CDK5RAP1: variants seen among roughly 807,000 people sequenced by gnomAD.
CDK5RAP1 encodes mitochondrial tRNA methylthiotransferase CDK5RAP1.
In CDK5RAP1, 62 loss-of-function variants were observed where a neutral mutation model predicts 64.5. The observed-to-expected ratio is 0.96, with a 90% CI of 0.78 to 1.19. The LOEUF (loss-of-function observed/expected upper bound fraction) is 1.19. Among genes scored for constraint, CDK5RAP1 ranks in the 50% most tolerant of loss-of-function variants. CDK5RAP1 has a pLI of 0.00. For missense variants in CDK5RAP1, 657 were observed against 735.0 expected (o/e 0.89, Z 1.23); for synonymous variants, 250 against 261.9 (o/e 0.95, Z 0.44).
At chr20:33,399,359 A>T (rs1989183109) in intron 1 of CDK5RAP1, among the ~76,000 whole-genome samples, 1 of 152,054 alleles carries the variant, frequency 6.6e-6, no homozygotes, top group Admixed American at 6.6e-5. Context: ...TGGTACTTTC[A>T]GCTTTCTTCC....
At chr20:33,397,400 G>A (rs545138254) in intron 1 of CDK5RAP1, among the ~76,000 whole-genome samples, 12 of 152,284 alleles carry the variant, frequency 7.9e-5, no homozygotes, top group African/African-American at 2.9e-4. Flanking sequence ...GGCTTTAAGT[G>A]TATTAACTCA....
At chr20:33,389,356 C>T (rs575310685) in intron 5 of CDK5RAP1, among the ~76,000 whole-genome samples, 1 of 151,972 alleles carries the variant, frequency 6.6e-6, no homozygotes, top group South Asian at 2.1e-4. Context: ...GGCAGCCGCC[C>T]CGTCTGAGAA....
intron 2 of CDK5RAP1, 27 bp from the exon 3 acceptor site, chr20:33,395,143 A>G (rs1227120876): frequency 7.4e-7 from 1 of 1,353,236 alleles, no homozygotes; most frequent in Non-Finnish European, 1.1e-6. Context: ...GGGGGAATCC[A>G]TGGTAGACAG....
chr20:33,369,475 T>G (rs548994255), intron 11 of CDK5RAP1, among the ~76,000 whole-genome samples: 2 of 141,328 alleles, frequency 1.4e-5, no homozygotes, highest in South Asian at 2.3e-4. Context: ...AGAGCGAGAC[T>G]GAGACTCCGC....
intron 7 of CDK5RAP1, among the ~76,000 whole-genome samples, chr20:33,384,988 G>C (rs944669378): frequency 6.6e-6 from 1 of 152,196 alleles, no homozygotes; most frequent in Non-Finnish European, 1.5e-5. Context: ...AGGAAGCAGG[G>C]AGACACCACT....
At position 33,358,956 on chromosome 20, in the gene CDK5RAP1, C is replaced by A; in HGVS notation, c.*87G>T. The A allele has an allele frequency of 1.0e-6, 1 of 965,322 alleles. No individual in the cohort carries two copies. Among genetic ancestry groups the A allele is most frequent in the Non-Finnish European group, 1.6e-6 (1 of 609,872 alleles). 59.8% of individuals were successfully genotyped at this position (965,322 alleles called of 1,614,324 possible). On this transcript the variant is annotated 3_prime_UTR_variant, in exon 14 of 14. Transcript: ENST00000346416. ...GCCCCTTGCAGCTTATCTCCACCTTCATGACCTGTTTCCTCAGTGGCAGGC... is the reference window on the plus strand; with the variant it reads ...GCCCCTTGCAGCTTATCTCCACCTTAATGACCTGTTTCCTCAGTGGCAGGC...
Position 33,385,721 on chromosome 20 carries a change from A to C in CDK5RAP1, c.805T>G (p.Phe269Val), listed in dbSNP as rs1234602650. 1.2e-6 allele frequency: 2 copies of C among 1,614,014 alleles called. No individual in the cohort carries two copies. Reference protein sequence around the residue: ...DNMCSYCIVPFTRGRERSRPI... With the variant: ...DNMCSYCIVPVTRGRERSRPI... Reference sequence around the variant, plus strand: ...CGACTCCTCTCCCTGCCCCGGGTGAAAGGAACAATGCAGTAGCTACACATG... The same window carrying C: ...CGACTCCTCTCCCTGCCCCGGGTGACAGGAACAATGCAGTAGCTACACATG... Residue 269 changes from phenylalanine to valine, a missense_variant, in exon 7 of 14, where the codon TTC (phenylalanine) becomes GTC (valine). Physicochemically the swap from Phe to Val is conservative, Grantham distance 50 (BLOSUM62 -1). Coordinates refer to ENST00000346416, the MANE Select transcript of CDK5RAP1 (RefSeq NM_016408.4).
chr20:33,392,821 T>A (rs1988465402), intron 4 of CDK5RAP1, among the ~76,000 whole-genome samples: 1 of 152,048 alleles, frequency 6.6e-6, no homozygotes, highest in Non-Finnish European at 1.5e-5. Flanking sequence ...TTTTTTTTTT[T>A]ATGATTCCAG....
chr20:33,379,607 T>C lies in CDK5RAP1; in HGVS notation c.961A>G (p.Thr321Ala). Residue 321 changes from threonine to alanine, a missense_variant, in exon 8 of 14, where the codon ACC (threonine) becomes GCC (alanine). By Grantham distance (58) the Thr-to-Ala change is moderately conservative. Transcript: ENST00000346416. ...GTGGTAAAGCCACGACTGAGATTGG[T>C]AGGCACTGCACTGTTGAACTGGACC... ...SEVQFNSAVP[T>A]NLSRGFTTNY... The C allele has an allele frequency of 6.2e-7, 1 of 1,614,050 alleles. No homozygotes were observed. Among genetic ancestry groups the C allele is most frequent in the Non-Finnish European group, 8.5e-7 (1 of 1,179,956 alleles).
rs750146436 is a variant in CDK5RAP1, at chr20:33,370,583, C to T, written c.1308G>A (p.Thr436=). Residue 436 remains threonine, a synonymous_variant, in exon 11 of 14, where the codon ACG becomes ACA. Coordinates refer to ENST00000346416, the MANE Select transcript of CDK5RAP1 (RefSeq NM_016408.4). The stretch of plus-strand genomic sequence containing the variant: ...AGACTGTCTGGACGTGATCTTCCTC[C>T]GTCTCACCACAAAAGCCAGCAATGA... ...SDFIAGFCGE[T]EEDHVQTVSL... 1.7e-5 allele frequency: 27 copies of T among 1,614,002 alleles called. No individual in the cohort carries two copies. Among genetic ancestry groups the T allele is most frequent in the South Asian group, 2.2e-5 (2 of 91,092 alleles).
At chr20:33,380,515 T>C (rs1258423609) in intron 7 of CDK5RAP1, among the ~76,000 whole-genome samples, 2 of 152,154 alleles carry the variant, frequency 1.3e-5, no homozygotes, top group Non-Finnish European at 2.9e-5. Context: ...AATGATATCA[T>C]GGTTATGAAG....
chr20:33,393,919 C>A, intron 4 of CDK5RAP1, 113 bp downstream of exon 4: 1 of 778,982 alleles, frequency 1.3e-6, no homozygotes, highest in South Asian at 1.4e-5. Context: ...AACTGCAAGT[C>A]CTACTGCCAT....
intron 11 of CDK5RAP1, among the ~76,000 whole-genome samples, chr20:33,369,003 G>A (rs1984528549): frequency 6.6e-6 from 1 of 151,882 alleles, no homozygotes; most frequent in Admixed American, 6.6e-5. Context: ...AGCCAGGTGT[G>A]GTGGCACGCA....
chr20:33,370,054 T>C (rs1984718726), intron 11 of CDK5RAP1, among the ~76,000 whole-genome samples: 1 of 152,178 alleles, frequency 6.6e-6, no homozygotes, highest in African/African-American at 2.4e-5. Flanking sequence ...ATCTGCTTTG[T>C]TTCCTGGGAA....
Position 33,379,503 on chromosome 20 carries a change from C to A in CDK5RAP1, c.1065G>T (p.Arg355Ser). Residue 355 changes from arginine to serine, a missense_variant, in exon 8 of 14, where the codon AGG (arginine) becomes AGT (serine). Coordinates refer to ENST00000346416, the MANE Select transcript of CDK5RAP1 (RefSeq NM_016408.4). ...TGGGGTGGGGAGAGGTAAAACGGATCCTCATTTCAGGATCTACTCTGGAGA... is the reference window on the plus strand; with the variant it reads ...TGGGGTGGGGAGAGGTAAAACGGATACTCATTTCAGGATCTACTCTGGAGA... ...DQVSRVDPEM[R>S]IRFTSPHPKD... 1.2e-6 allele frequency: 2 copies of A among 1,614,092 alleles called. No homozygotes were observed. The highest frequency in any genetic ancestry group is 1.7e-6 in the Non-Finnish European group (2 of 1,179,976).
At chr20:33,399,866 G>T (rs1220779808) in intron 1 of CDK5RAP1, among the ~76,000 whole-genome samples, 1 of 151,936 alleles carries the variant, frequency 6.6e-6, no homozygotes, top group Non-Finnish European at 1.5e-5. Context: ...TTTATTTGTT[G>T]TCTCTACAAC....
chr20:33,372,121 T>C (rs1467643220), intron 10 of CDK5RAP1, among the ~76,000 whole-genome samples: 1 of 152,158 alleles, frequency 6.6e-6, no homozygotes, highest in Non-Finnish European at 1.5e-5. Flanking sequence ...AAAGGCATAA[T>C]CTAAGTGTTA....
chr20:33,389,134 C>A (rs1228023192), intron 5 of CDK5RAP1, among the ~76,000 whole-genome samples: 1 of 138,450 alleles, frequency 7.2e-6, no homozygotes, highest in Non-Finnish European at 1.6e-5. Flanking sequence ...AGTCTGGGAA[C>A]TGAGGAGCGC....
intron 12 of CDK5RAP1, among the ~76,000 whole-genome samples, chr20:33,362,994 A>G (rs1983214775): frequency 6.6e-6 from 1 of 152,224 alleles, no homozygotes. Context: ...GTAACTTTAC[A>G]GTCAAGAAGG....
Sources: allele counts gnomAD v4.1 joint callset (sites outside exome capture counted in the v4.1 genomes callset), GRCh38; gene constraint gnomAD v4.1.1; transcripts MANE v1.5; gene names NCBI Gene and HGNC (gene_info 2026-07-23, HGNC 2026-07-21).